COL23A1: variants seen among roughly 807,000 people sequenced by gnomAD.
The protein encoded by COL23A1 is collagen type XXIII alpha 1 chain.
COL23A1 carries 97 observed loss-of-function variants against 99.3 expected under a neutral mutation model. The ratio of observed to expected loss-of-function variants is 0.98; its 90% confidence interval spans 0.83 to 1.16. The LOEUF (loss-of-function observed/expected upper bound fraction) is 1.16. Among genes scored for constraint, COL23A1 ranks in the 50% most tolerant of loss-of-function variants. The probability of loss-of-function intolerance (pLI) is 0.00; values close to 1 mark genes in which losing one functional copy is unlikely to be tolerated. For synonymous variants in COL23A1, 320 were observed against 308.2 expected, an observed-to-expected ratio of 1.04 and a Z score of -0.40; for missense variants, 762 against 757.4, an observed-to-expected ratio of 1.01 and a Z score of -0.07.
In COL23A1 at chr5:178,523,163, C is replaced by CACATATAT. The variant is rs1370406285; in HGVS notation, c.361+37518_361+37519insATATATGT. 3.8e-3 allele frequency among the ~76,000 whole-genome samples: 360 copies of CACATATAT among 95,554 alleles called. 3 individuals are homozygous for CACATATAT. Among genetic ancestry groups the CACATATAT allele is most frequent in the African/African-American group, 0.01 (258 of 25,234 alleles). 62.7% of individuals were successfully genotyped at this position (95,554 alleles called of 152,430 possible). The stretch of plus-strand genomic sequence containing the variant: ...TTAAAAATATATATATATATATATA[C>CACATATAT]ATATATATATATATACACATATATA... On this transcript the variant is annotated intron_variant, in intron 2 of 28. Coordinates refer to ENST00000390654, the MANE Select transcript of COL23A1 (RefSeq NM_173465.4).
chr5:178,321,646 T>C (rs527252533), intron 2 of COL23A1, among the ~76,000 whole-genome samples: 13 of 146,346 alleles, frequency 8.9e-5, no homozygotes, highest in Non-Finnish European at 1.7e-4. Flanking sequence ...CCTGCCACCA[T>C]GCCTGGCTAA....
Position 178,428,586 on chromosome 5 carries a change from C to A in COL23A1, c.362-121667G>T, listed in dbSNP as rs1478747047. Among the ~76,000 whole-genome samples, 1 of 152,234 alleles carries A rather than the reference C, an allele frequency of 6.6e-6. No homozygotes were observed. Among genetic ancestry groups the A allele is most frequent in the Non-Finnish European group, 1.5e-5 (1 of 68,038 alleles). ...TGCTCCTCCTGGCTGGCAGCCCCTG[C>A]CCGGCCCAGGCCTTTTTAGCCCCCG... On this transcript the variant is annotated intron_variant, in intron 2 of 28. Transcript: ENST00000390654. The surrounding 1 kb of genome is among the most constrained non-coding windows in gnomAD (Gnocchi z 5.0).
intron 2 of COL23A1, among the ~76,000 whole-genome samples, chr5:178,537,267 C>A (rs921756293): frequency 1.6e-4 from 24 of 152,338 alleles, no homozygotes; most frequent in Non-Finnish European, 2.9e-4. Flanking sequence ...GCGAGGCCCC[C>A]TCCCTGCCGC....
chr5:178,241,682 G>A (rs747227371), intron 27 of COL23A1, among the ~76,000 whole-genome samples: 27 of 152,218 alleles, frequency 1.8e-4, no homozygotes, highest in Non-Finnish European at 3.2e-4. Context: ...ATGACTCCAG[G>A]TAAAGCCCCT....
chr5:178,574,810 G>T (rs1024750657), intron 1 of COL23A1, among the ~76,000 whole-genome samples: 1 of 152,188 alleles, frequency 6.6e-6, no homozygotes, highest in Non-Finnish European at 1.5e-5. Flanking sequence ...GAGTTGGAGA[G>T]AATGAGGACA....
intron 27 of COL23A1, among the ~76,000 whole-genome samples, chr5:178,241,179 C>G (rs1027544530): frequency 1.3e-5 from 2 of 152,224 alleles, no homozygotes; most frequent in African/African-American, 2.4e-5. Context: ...TGCAGTGAAC[C>G]ATGATCGCTC....
chr5:178,403,123 T>A (rs7445838), intron 2 of COL23A1, among the ~76,000 whole-genome samples: 15,352 of 44,618 alleles, frequency 0.34, 3,694 homozygotes, highest in East Asian at 0.62. Flanking sequence ...AAAAAAAAAA[T>A]AAATAAATAA....
Position 178,490,774 on chromosome 5 carries a change from C to T in COL23A1, c.361+69908G>A, listed in dbSNP as rs140266679. Reference sequence around the variant, plus strand: ...CCTGGGTGACACAGCGAGACCCTGTCTCAAAAGAAAAAAAGATTTAAATGG... The same window carrying T: ...CCTGGGTGACACAGCGAGACCCTGTTTCAAAAGAAAAAAAGATTTAAATGG... On this transcript the variant is annotated intron_variant, in intron 2 of 28. Coordinates refer to ENST00000390654, the MANE Select transcript of COL23A1 (RefSeq NM_173465.4). Among the ~76,000 whole-genome samples the T allele has an allele frequency of 5.9e-3, 890 of 151,932 alleles. 7 individuals carry two copies. The highest frequency in any genetic ancestry group is 1.0e-2 in the Non-Finnish European group (678 of 67,976).
At position 178,277,290 on chromosome 5, in the gene COL23A1, G is replaced by C. The variant is rs115996014; in HGVS notation, c.442-6927C>G. Among the ~76,000 whole-genome samples, 632 of 152,212 alleles carry C rather than the reference G, an allele frequency of 4.2e-3. 4 individuals are homozygous for C. The highest frequency in any genetic ancestry group is 0.015 in the African/African-American group (605 of 41,520). On this transcript the variant is annotated intron_variant, in intron 5 of 28. Transcript: ENST00000390654. ...CTGAGGCAGGAGGATTGCTTAAACC[G>C]TGGAGGTTGAGGCTGCAGTGAGCTA...
intron 2 of COL23A1, among the ~76,000 whole-genome samples, chr5:178,376,961 G>C (rs1187442631): frequency 6.6e-6 from 1 of 152,142 alleles, no homozygotes; most frequent in Non-Finnish European, 1.5e-5. Flanking sequence ...ATGCACAAAA[G>C]CCCTCCCTCC....
At chr5:178,572,840 G>A (rs1168002759) in intron 1 of COL23A1, among the ~76,000 whole-genome samples, 4 of 152,138 alleles carry the variant, frequency 2.6e-5, no homozygotes, top group East Asian at 1.9e-4. Flanking sequence ...AGTAATACTC[G>A]GTAATGAAAA....
rs564600153 is a variant in COL23A1, at chr5:178,421,906, C to A, written c.362-114987G>T. Among the ~76,000 whole-genome samples the A allele has an allele frequency of 4.6e-5, 7 of 152,064 alleles. No homozygotes were observed. In the East Asian group the frequency reaches 1.4e-3, roughly 29 times the overall value. On this transcript the variant is annotated intron_variant, in intron 2 of 28. Coordinates refer to ENST00000390654, the MANE Select transcript of COL23A1 (RefSeq NM_173465.4). ...CGCATACACGCAGGCACCAAACAGG[C>A]AAAAGGTGCTTGTGAGGTGAAGAAC...
intron 2 of COL23A1, among the ~76,000 whole-genome samples, chr5:178,530,213 C>A (rs1010745448): frequency 1.3e-5 from 2 of 152,152 alleles, no homozygotes; most frequent in African/African-American, 4.8e-5. Flanking sequence ...ATAATCCCAG[C>A]ACTTTGGGAA....
Position 178,553,724 on chromosome 5 carries a change from T to C in COL23A1, c.361+6958A>G, listed in dbSNP as rs142076395. ...CTGATGAGGGTTCACGGCCACACAC[T>C]TTCCTTTTCTGTTTCTCTCACTCCA... On this transcript the variant is annotated intron_variant, in intron 2 of 28. Coordinates refer to ENST00000390654, the MANE Select transcript of COL23A1 (RefSeq NM_173465.4). Among the ~76,000 whole-genome samples the C allele has an allele frequency of 4.2e-3, 635 of 152,274 alleles. 7 individuals carry two copies. The highest frequency in any genetic ancestry group is 0.014 in the African/African-American group (599 of 41,546).
chr5:178,357,808 ATGTGTGTATGTG>A (rs1761771504), intron 2 of COL23A1, among the ~76,000 whole-genome samples: 1 of 127,818 alleles, frequency 7.8e-6, no homozygotes, highest in African/African-American at 3.0e-5. Context: ...GTGTGTGTGT[ATGTGTGTATGTG>A]TGTTTATGTG....
intron 2 of COL23A1, among the ~76,000 whole-genome samples, chr5:178,558,717 T>A (rs1322795694): frequency 1.3e-5 from 2 of 151,992 alleles, no homozygotes; most frequent in Non-Finnish European, 2.9e-5. Context: ...ACTGTTGGCA[T>A]TTTACACATT....
intron 2 of COL23A1, among the ~76,000 whole-genome samples, chr5:178,430,020 C>G (rs1355120211): frequency 6.6e-6 from 1 of 152,152 alleles, no homozygotes; most frequent in African/African-American, 2.4e-5. Flanking sequence ...ACAACCTGTC[C>G]CCAGGAAGTA....
At chr5:178,535,619 G>T (rs1760895595) in intron 2 of COL23A1, among the ~76,000 whole-genome samples, 1 of 152,264 alleles carries the variant, frequency 6.6e-6, no homozygotes, top group South Asian at 2.1e-4. Context: ...GAAACACAAG[G>T]CGTGGTCACA....
intron 25 of COL23A1, among the ~76,000 whole-genome samples, chr5:178,245,569 CCCAT>C (rs930510155): frequency 9.9e-6 from 1 of 101,302 alleles, no homozygotes; most frequent in African/African-American, 4.7e-5. Context: ...CATCCATTCA[CCCAT>C]CCATCCATTC....
Sources: gnomAD v4.1 joint callset for allele counts (sites outside exome capture counted in the v4.1 genomes callset) on GRCh38, gnomAD v4.1.1 for gene constraint, Gnocchi (gnomAD v3.1) non-coding constraint, MANE v1.5 for transcripts, NCBI Gene and HGNC (gene_info 2026-07-23, HGNC 2026-07-21) for gene names.